The following ADAMTSL1 variants were observed in gnomAD, a reference collection of about 807,000 sequenced individuals.
ADAMTSL1 encodes the protein ADAMTS-like protein 1.
A neutral mutation model predicts 201.8 loss-of-function variants in ADAMTSL1; 126 were observed. The observed-to-expected ratio is 0.62, with a 90% CI of 0.54 to 0.72. The LOEUF (loss-of-function observed/expected upper bound fraction) is 0.72, where lower values mean the gene tolerates loss of function less well. Ranked by LOEUF, ADAMTSL1 falls within the 30% of genes least tolerant of loss-of-function variation. ADAMTSL1 has a pLI of 0.00. For missense variants in ADAMTSL1, 2,679 were observed against 2,277.8 expected (o/e 1.18, Z -3.59); for synonymous variants, 1,121 against 903.4 (o/e 1.24, Z -4.32).
chr9:18,455,900 C>A (rs1388078633), intron 2 of ADAMTSL1, among the ~76,000 whole-genome samples: 3 of 152,036 alleles, frequency 2.0e-5, no homozygotes. Flanking sequence ...AAGAAAGAGA[C>A]CCAAAATGCT....
At chr9:18,524,835 C>G (rs983410835) in intron 2 of ADAMTSL1, among the ~76,000 whole-genome samples, 16 of 152,084 alleles carry the variant, frequency 1.1e-4, no homozygotes, top group Non-Finnish European at 5.9e-5. Context: ...CTGCTGGATT[C>G]GGTTTGCCAG....
chr9:18,107,553 AT>A lies in ADAMTSL1; in HGVS notation c.88-56300del, dbSNP rs749300891. The stretch of plus-strand genomic sequence containing the variant: ...TCTAGATGAACATAAAAATAACATG[AT>A]TTTTTTTTATAGCCATGCTCTGGGA... On this transcript the variant is annotated intron_variant, in intron 1 of 29. Coordinates refer to the ADAMTSL1 transcript ENST00000680146. 4.6e-5 allele frequency among the ~76,000 whole-genome samples: 7 copies of A among 151,816 alleles called. No individual in the cohort carries two copies. The East Asian group carries it at 7.7e-4, about 17-fold the overall frequency.
At chr9:18,070,446 C>T (rs1338725872) in intron 1 of ADAMTSL1, among the ~76,000 whole-genome samples, 1 of 151,676 alleles carries the variant, frequency 6.6e-6, no homozygotes, top group African/African-American at 2.4e-5. Context: ...TGCCTGGGGA[C>T]GGAATGTGAA....
intron 2 of ADAMTSL1, among the ~76,000 whole-genome samples, chr9:18,374,070 C>T (rs1587002484): frequency 1.3e-5 from 2 of 152,158 alleles, no homozygotes; most frequent in East Asian, 1.9e-4. Flanking sequence ...CAGCCTTACC[C>T]AAGGAGATTC....
At chr9:18,326,850 G>A (rs998421852) in intron 2 of ADAMTSL1, among the ~76,000 whole-genome samples, 1 of 152,146 alleles carries the variant, frequency 6.6e-6, no homozygotes, top group African/African-American at 2.4e-5. Flanking sequence ...TCTAATATAA[G>A]GCTACTTGCC....
intron 2 of ADAMTSL1, among the ~76,000 whole-genome samples, chr9:18,265,929 G>A (rs1406700378): frequency 1.3e-5 from 2 of 152,066 alleles, no homozygotes; most frequent in Non-Finnish European, 2.9e-5. Context: ...AGTTAGACCT[G>A]GCTCCTGCCA....
intron 1 of ADAMTSL1, among the ~76,000 whole-genome samples, chr9:18,105,718 G>T (rs1481891513): frequency 6.6e-6 from 1 of 152,164 alleles, no homozygotes; most frequent in Non-Finnish European, 1.5e-5. Context: ...GTTGTAGAAA[G>T]ATACAACCTC....
At chr9:18,738,760 A>C (rs1818659492) in intron 15 of ADAMTSL1, among the ~76,000 whole-genome samples, 1 of 152,236 alleles carries the variant, frequency 6.6e-6, no homozygotes, top group African/African-American at 2.4e-5. Flanking sequence ...AAGCAAAATT[A>C]AATAGAAAAA....
chr9:18,905,684 A>AT (rs1830262148), intron 26 of ADAMTSL1, 98 bp from the exon 27 acceptor site: 1 of 855,512 alleles, frequency 1.2e-6, no homozygotes. Context: ...CTCCAACAAG[A>AT]CCTACACAAG....
At chr9:18,551,125 C>T (rs1269435427) in intron 3 of ADAMTSL1, among the ~76,000 whole-genome samples, 1 of 151,740 alleles carries the variant, frequency 6.6e-6, no homozygotes, top group Non-Finnish European at 1.5e-5. Flanking sequence ...AAACAAAATG[C>T]CAAAGTTTTC....
At chr9:18,184,551 C>T (rs921029048) in intron 2 of ADAMTSL1, among the ~76,000 whole-genome samples, 1 of 152,126 alleles carries the variant, frequency 6.6e-6, no homozygotes, top group Non-Finnish European at 1.5e-5. Flanking sequence ...TTTATTTTGC[C>T]TGTTGTCATT....
chr9:18,309,363 A>G (rs1298255706), intron 2 of ADAMTSL1, among the ~76,000 whole-genome samples: 7 of 152,156 alleles, frequency 4.6e-5, no homozygotes, highest in Admixed American at 4.6e-4. Context: ...AAAGAAAGAA[A>G]GTGTATTCAG....
Position 18,065,518 on chromosome 9 carries a change from A to G in ADAMTSL1, c.88-98344A>G, listed in dbSNP as rs374781642. On this transcript the variant is annotated intron_variant, in intron 1 of 29. Coordinates refer to the ADAMTSL1 transcript ENST00000680146. ...CAGTTAACTTAAAAGTGAACTTTATATCACCACCATAAGTGAAAAGTAGTG... is the reference window on the plus strand; with the variant it reads ...CAGTTAACTTAAAAGTGAACTTTATGTCACCACCATAAGTGAAAAGTAGTG... Among the ~76,000 whole-genome samples, 246 of 152,348 alleles carry G rather than the reference A, an allele frequency of 1.6e-3. 7 individuals are homozygous for G. In the South Asian group the frequency reaches 0.05, roughly 31 times the overall value.
intron 1 of ADAMTSL1, among the ~76,000 whole-genome samples, chr9:17,981,101 G>T (rs1018817336): frequency 2.6e-5 from 4 of 152,116 alleles, no homozygotes; most frequent in African/African-American, 9.7e-5. Context: ...CTAACATTGG[G>T]GCTCAAAGTT....
intron 1 of ADAMTSL1, among the ~76,000 whole-genome samples, chr9:18,149,882 A>G (rs1826831424): frequency 6.6e-6 from 1 of 152,054 alleles, no homozygotes; most frequent in African/African-American, 2.4e-5. Context: ...AGGATATAGC[A>G]ATTAATTTAA....
intron 14 of ADAMTSL1, chr9:18,718,216 CTT>C (rs1213404779): frequency 7.8e-6 from 6 of 770,852 alleles, no homozygotes; most frequent in South Asian, 4.1e-5. Flanking sequence ...TCATCAGTGT[CTT>C]TAACTCAAAG....
At chr9:18,867,980 C>T (rs1425547956) in intron 23 of ADAMTSL1, among the ~76,000 whole-genome samples, 1 of 152,186 alleles carries the variant, frequency 6.6e-6, no homozygotes, top group Admixed American at 6.5e-5. Context: ...CATGTATTCA[C>T]CTTGTCTAAC....
At chr9:18,675,819 C>A in intron 9 of ADAMTSL1, 38 bp from the exon 10 acceptor site, 8 of 1,588,198 alleles carry the variant, frequency 5.0e-6, no homozygotes, top group South Asian at 1.1e-5. Flanking sequence ...ATTGTGTGTA[C>A]CTTCTACTCA....
At chr9:18,246,722 T>C (rs969530264) in intron 2 of ADAMTSL1, among the ~76,000 whole-genome samples, 43 of 152,220 alleles carry the variant, frequency 2.8e-4, no homozygotes, top group African/African-American at 9.9e-4. Flanking sequence ...CCATATGTTT[T>C]AATATGTGAA....
Sources: allele counts gnomAD v4.1 joint callset (sites outside exome capture counted in the v4.1 genomes callset), GRCh38; gene constraint gnomAD v4.1.1; transcripts MANE v1.5; gene names NCBI Gene and HGNC (gene_info 2026-07-23, HGNC 2026-07-21).